Variants in RAB10 observed in about 807,000 individuals in gnomAD.
RAB10 encodes the protein RAB10, member RAS oncogene family.
A neutral mutation model predicts 25.7 loss-of-function variants in RAB10; 5 were observed. The observed-to-expected ratio is 0.19, with a 90% CI of 0.10 to 0.41. The LOEUF (loss-of-function observed/expected upper bound fraction) is 0.41, where lower values mean the gene tolerates loss of function less well. RAB10 is among the 10% of genes least tolerant of loss of function. RAB10 has a pLI of 1.00. For synonymous variants in RAB10, 89 were observed against 86.4 expected (o/e 1.03, Z -0.16); for missense variants, 103 against 245.8 (o/e 0.42, Z 3.89).
At chr2:26,095,523 C>T (rs1260451108) in intron 1 of RAB10, among the ~76,000 whole-genome samples, 1 of 151,970 alleles carries the variant, frequency 6.6e-6, no homozygotes, top group East Asian at 1.9e-4. Flanking sequence ...AGGAGAATGG[C>T]ATGAACCCGG....
At chr2:26,093,932 G>T (rs1559591212) in intron 1 of RAB10, among the ~76,000 whole-genome samples, 1 of 152,186 alleles carries the variant, frequency 6.6e-6, no homozygotes, top group Admixed American at 6.5e-5. Flanking sequence ...TGTTAACTGT[G>T]TTGCTCAGGC....
chr2:26,063,434 T>TG (rs1327057921), intron 1 of RAB10, among the ~76,000 whole-genome samples: 1 of 151,966 alleles, frequency 6.6e-6, no homozygotes, highest in African/African-American at 2.4e-5. Flanking sequence ...TATGTGATTT[T>TG]TTTTTTGCTA....
At chr2:26,111,621 A>T (rs1305938473) in intron 3 of RAB10, among the ~76,000 whole-genome samples, 5 of 146,696 alleles carry the variant, frequency 3.4e-5, no homozygotes, top group Admixed American at 3.4e-4. Flanking sequence ...AAAAAAAAAA[A>T]TACAAATCTT....
chr2:26,113,467 G>A (rs188119326), intron 3 of RAB10, among the ~76,000 whole-genome samples: 158 of 151,840 alleles, frequency 1.0e-3, no homozygotes, highest in African/African-American at 3.7e-3. Context: ...CCAGCTACTC[G>A]GGAGGCTGAG....
chr2:26,090,105 T>G (rs369206692), intron 1 of RAB10, among the ~76,000 whole-genome samples: 1 of 152,194 alleles, frequency 6.6e-6, no homozygotes, highest in Admixed American at 6.5e-5. Flanking sequence ...TACCCTTTAC[T>G]TCACACTGTT....
intron 1 of RAB10, among the ~76,000 whole-genome samples, chr2:26,045,285 G>T (rs1276919360): frequency 6.6e-6 from 1 of 151,648 alleles, no homozygotes; most frequent in Non-Finnish European, 1.5e-5. Context: ...TGTCGCCCAG[G>T]CTGGAGTGCA....
At chr2:26,065,249 G>A (rs770351042) in intron 1 of RAB10, among the ~76,000 whole-genome samples, 3 of 152,086 alleles carry the variant, frequency 2.0e-5, no homozygotes, top group Non-Finnish European at 2.9e-5. Flanking sequence ...ACATGACCCA[G>A]GTAGAATCAT....
At chr2:26,050,385 T>G (rs1178391403) in intron 1 of RAB10, among the ~76,000 whole-genome samples, 1 of 152,190 alleles carries the variant, frequency 6.6e-6, no homozygotes, top group Non-Finnish European at 1.5e-5. Flanking sequence ...TTATTTATAG[T>G]AGCCTAGTTT....
At position 26,137,066 on chromosome 2, in the gene RAB10, A is replaced by C. The variant is rs1333507169; in HGVS notation, c.*2045A>C. 1 of 152,612 alleles carries C rather than the reference A, an allele frequency of 6.6e-6. No homozygotes were observed. Among genetic ancestry groups the C allele is most frequent in the Non-Finnish European group, 1.5e-5 (1 of 68,048 alleles). 9.5% of individuals were successfully genotyped at this position (152,612 alleles called of 1,614,324 possible). A position where few individuals can be genotyped will look rare whatever the true frequency, so the allele number is the denominator to read the frequency against. ...AATTCTTATTCAATTCCATGACTTA[A>C]GGTTGGAGAGCTAAACACTGGGATT... On this transcript the variant is annotated 3_prime_UTR_variant, in exon 6 of 6. Transcript: ENST00000264710.
At chr2:26,102,651 T>C (rs572714195) in intron 2 of RAB10, among the ~76,000 whole-genome samples, 9 of 152,050 alleles carry the variant, frequency 5.9e-5, no homozygotes, top group African/African-American at 9.7e-5. Context: ...TGTTAACCAG[T>C]ATGGTCTCGA....
intron 1 of RAB10, among the ~76,000 whole-genome samples, chr2:26,089,057 AGGAGAAAAACT>A (rs1667048481): frequency 6.6e-6 from 1 of 152,204 alleles, no homozygotes; most frequent in Admixed American, 6.5e-5. Context: ...ATGTGACTAC[AGGAGAAAAACT>A]GGAGGGAATA....
At position 26,104,737 on chromosome 2, in the gene RAB10, A is replaced by ATT. The variant is rs35749938; in HGVS notation, c.189-5014_189-5013dup. Among the ~76,000 whole-genome samples the ATT allele has an allele frequency of 8.8e-3, 1,176 of 133,356 alleles. 25 individuals carry two copies. Among genetic ancestry groups the ATT allele is most frequent in the African/African-American group, 0.031 (1,097 of 35,892 alleles). 87.5% of individuals were successfully genotyped at this position (133,356 alleles called of 152,430 possible). On this transcript the variant is annotated intron_variant, in intron 2 of 5. Transcript: ENST00000264710. ...TTAGGTCTTGATCTGTTTTGAGGTA[A>ATT]TTTTTTTTTTTTTTTTTTGAGATGG...
chr2:26,094,581 CAT>C (rs999631415), intron 1 of RAB10, among the ~76,000 whole-genome samples: 24 of 146,482 alleles, frequency 1.6e-4, no homozygotes, highest in African/African-American at 5.8e-4. Flanking sequence ...TTTTTTGAGA[CAT>C]AGCTTTGCAC....
intron 5 of RAB10, among the ~76,000 whole-genome samples, chr2:26,131,561 A>G (rs964492507): frequency 2.0e-5 from 3 of 152,198 alleles, no homozygotes; most frequent in African/African-American, 7.2e-5. Flanking sequence ...TGGCTACATG[A>G]TTCATTCTCT....
chr2:26,076,429 T>C (rs1180232089), intron 1 of RAB10, among the ~76,000 whole-genome samples: 1 of 152,168 alleles, frequency 6.6e-6, no homozygotes, highest in Non-Finnish European at 1.5e-5. Context: ...GGAGTAGCTT[T>C]GTAGGAATCC....
At position 26,136,247 on chromosome 2, in the gene RAB10, AG is replaced by A. The variant is rs974345612; in HGVS notation, c.*1228del. 1.3e-5 allele frequency: 2 copies of A among 152,624 alleles called. No individual in the cohort carries two copies. The highest frequency in any genetic ancestry group is 4.8e-5 in the African/African-American group (2 of 41,424). The allele number at this position is 152,624 out of a possible 1,614,324, so 9.5% of individuals were successfully genotyped here. ...CTCTAGCAGCTTGGTAGCCTAGTAC[AG>A]GTTGTTTTTTTAAAAAAGGAAAAGC... On this transcript the variant is annotated 3_prime_UTR_variant, in exon 6 of 6. Transcript: ENST00000264710.
At chr2:26,097,157 A>G (rs373966922) in intron 1 of RAB10, among the ~76,000 whole-genome samples, 1 of 152,208 alleles carries the variant, frequency 6.6e-6, no homozygotes, top group Non-Finnish European at 1.5e-5. Context: ...TGGAGGTTAC[A>G]GTGAGCTGAG....
chr2:26,098,454 T>A, intron 1 of RAB10: 1 of 498,788 alleles, frequency 2.0e-6, no homozygotes, highest in Non-Finnish European at 3.5e-6. Flanking sequence ...CTTGGTCTTT[T>A]CTGTATCTAT....
intron 3 of RAB10, among the ~76,000 whole-genome samples, chr2:26,111,351 T>C (rs1438052077): frequency 1.3e-5 from 2 of 152,176 alleles, no homozygotes; most frequent in Non-Finnish European, 2.9e-5. Context: ...ACGCCTGTAA[T>C]CCCAGCACTC....
Sources: allele counts gnomAD v4.1 joint callset (sites outside exome capture counted in the v4.1 genomes callset), GRCh38; gene constraint gnomAD v4.1.1; transcripts MANE v1.5; gene names NCBI Gene and HGNC (gene_info 2026-07-23, HGNC 2026-07-21).